NECAP2: variants seen among roughly 807,000 people sequenced by gnomAD.
The protein encoded by NECAP2 is adaptin ear-binding coat-associated protein 2.
NECAP2 carries 38 observed loss-of-function variants against 37.8 expected under a neutral mutation model. The observed-to-expected ratio is 1.01, with a 90% CI of 0.78 to 1.32. The LOEUF is 1.32. Ranked by LOEUF, NECAP2 falls within the 40% of genes most tolerant of loss-of-function variation. NECAP2 has a pLI of 0.00. For missense variants in NECAP2, 316 were observed against 334.5 expected, an observed-to-expected ratio of 0.94 and a Z score of 0.43; for synonymous variants, 121 against 127.7, an observed-to-expected ratio of 0.95 and a Z score of 0.35.
At chr1:16,448,265 C>T (rs1278313772) in intron 4 of NECAP2, 124 bp downstream of exon 4, 3 of 929,880 alleles carry the variant, frequency 3.2e-6, no homozygotes, top group Non-Finnish European at 5.3e-6. Flanking sequence ...CTCAGGAGAA[C>T]CCAGGACAAG....
At position 16,440,818 on chromosome 1, in the gene NECAP2, C is replaced by T. The variant is rs1004853430; in HGVS notation, c.57C>T (p.Tyr19=). The T allele has an allele frequency of 6.2e-7, 1 of 1,614,080 alleles. No individual in the cohort carries two copies. The highest frequency in any genetic ancestry group is 1.3e-5 in the African/African-American group (1 of 74,954). The change falls in exon 1 of 8, where the codon TAC becomes TAT. Residue 19 remains tyrosine (Y), a synonymous_variant. Coordinates refer to ENST00000337132, the MANE Select transcript of NECAP2 (RefSeq NM_018090.5). ...GTGTCAAGCCTGACGTCCACGTCTA[C>T]CGCATCCCTCCGCGGGCTACCAACC... is the stretch of plus-strand genomic sequence containing the variant. ...VLCVKPDVHV[Y]RIPPRATNRG... is the part of the protein sequence containing the mutation.
intron 5 of NECAP2, chr1:16,451,206 T>TG (rs1352334304): frequency 6.6e-6 from 1 of 152,304 alleles, no homozygotes; most frequent in Non-Finnish European, 1.5e-5. Context: ...TCCATGGTGT[T>TG]GCGTGTAGTT....
chr1:16,447,896 G>A lies in NECAP2; in HGVS notation c.220G>A (p.Asp74Asn). The A allele has an allele frequency of 6.2e-7, 1 of 1,614,128 alleles. No individual in the cohort carries two copies. Among genetic ancestry groups the A allele is most frequent in the Non-Finnish European group, 8.5e-7 (1 of 1,180,024 alleles). ...GGAGCTCTTTGCTCAGGCCCCGGTG[G>A]ATCAGTTTCCTGGCACAGCTGTGGA... The part of the protein sequence containing the change: ...SGELFAQAPV[D>N]QFPGTAVESV... Residue 74 changes from aspartate to asparagine, a missense_variant, in exon 3 of 8, where the codon GAT becomes AAT. Asp to Asn is a conservative substitution (Grantham distance 23). Coordinates refer to ENST00000337132, the MANE Select transcript of NECAP2 (RefSeq NM_018090.5).
chr1:16,450,254 TTTTG>T (rs746577030), intron 5 of NECAP2: 5,516 of 388,284 alleles, frequency 0.014, 189 homozygotes, highest in African/African-American at 0.086. Context: ...AGTGGTTTTT[TTTTG>T]TTTTGTTTTG....
Position 16,458,902 on chromosome 1 carries a change from T to C in NECAP2, c.*12T>C. On this transcript the variant is annotated 3_prime_UTR_variant, in exon 8 of 8. Transcript: ENST00000337132. ...GGGTCCAGTTCTGACCTGAGCACGG[T>C]TTTTCCTCATGTGACTTCTGGGAAG... is the stretch of plus-strand genomic sequence containing the variant. The C allele has an allele frequency of 2.5e-6, 4 of 1,613,808 alleles. No homozygotes were observed. The highest frequency in any genetic ancestry group is 3.4e-6 in the Non-Finnish European group (4 of 1,179,928).
rs576654098 is a variant in NECAP2 at position 16,457,365 on chromosome 1, G to A, written c.743+1472G>A. ...CCAGCTACTTGGGAGGCTGAGGCAC[G>A]AGAATTGCTTGAACCCGGGAGATTG... On this transcript the variant is annotated intron_variant, in intron 7 of 7. Transcript: ENST00000337132. Among the ~76,000 whole-genome samples the A allele has an allele frequency of 6.6e-5, 10 of 152,240 alleles. No homozygotes were observed. The East Asian group carries it at 1.7e-3, about 27-fold the overall frequency.
Position 16,452,138 on chromosome 1 carries a change from C to T in NECAP2, c.667+123C>T, listed in dbSNP as rs1482403887. The T allele has an allele frequency of 1.2e-5, 12 of 1,036,922 alleles. No homozygotes were observed. The South Asian group carries it at 2.1e-4, about 18-fold the overall frequency. The allele number at this position is 1,036,922 out of a possible 1,614,324, so 64.2% of individuals were successfully genotyped here. A position where few individuals can be genotyped will look rare whatever the true frequency, so the allele number is the denominator to read the frequency against. Reference sequence around the variant, plus strand: ...TTGGTCATGTAGTACCTGTCCGTGTCAAAGAAGGCGGGCACCCAAAGCTCA... The same window carrying T: ...TTGGTCATGTAGTACCTGTCCGTGTTAAAGAAGGCGGGCACCCAAAGCTCA... On this transcript the variant is annotated intron_variant, in intron 6 of 7. Transcript: ENST00000337132.
intron 5 of NECAP2, chr1:16,451,584 A>G: frequency 1.9e-6 from 1 of 535,504 alleles, no homozygotes; most frequent in Non-Finnish European, 3.3e-6. Flanking sequence ...ATGGTATATC[A>G]TTATAGCTTT....
At chr1:16,441,117 AC>A (rs957727302) in intron 1 of NECAP2, 4 of 500,876 alleles carry the variant, frequency 8.0e-6, no homozygotes, top group African/African-American at 7.7e-5. Context: ...GCTGCCGGGT[AC>A]CCTAAACTTG....
At position 16,457,042 on chromosome 1, in the gene NECAP2, A is replaced by C. The variant is rs1445532737; in HGVS notation, c.743+1149A>C. 2.6e-5 allele frequency among the ~76,000 whole-genome samples: 4 copies of C among 152,212 alleles called. No homozygotes were observed. The East Asian group carries it at 7.7e-4, about 29-fold the overall frequency. Reference sequence around the variant, plus strand: ...GACTAGATAGCAAATAGTTTAGACTATTCAGGCCGTGTGGTCTTCGTTCTA... The same window carrying C: ...GACTAGATAGCAAATAGTTTAGACTCTTCAGGCCGTGTGGTCTTCGTTCTA... On this transcript the variant is annotated intron_variant, in intron 7 of 7. Transcript: ENST00000337132.
At chr1:16,446,874 A>G (rs996605261) in intron 2 of NECAP2, among the ~76,000 whole-genome samples, 1 of 152,088 alleles carries the variant, frequency 6.6e-6, no homozygotes, top group African/African-American at 2.4e-5. Context: ...AGCCTGGCCA[A>G]CATGGTGAAA....
Position 16,451,980 on chromosome 1 carries a change from G to C in NECAP2, c.632G>C (p.Gly211Ala), listed in dbSNP as rs1482491314. ...CCTGGGGAGCAGTTGGCTGTGGGGGGATCCCTCGTCCAGCCAGCAGTTGCT... is the reference window on the plus strand; with the variant it reads ...CCTGGGGAGCAGTTGGCTGTGGGGGCATCCCTCGTCCAGCCAGCAGTTGCT... ...PPPGEQLAVG[G>A]SLVQPAVAPS... Residue 211 changes from glycine to alanine, a missense_variant, in exon 6 of 8, where the codon GGA becomes GCA. Physicochemically the swap from Gly to Ala is moderately conservative, Grantham distance 60. Transcript: ENST00000337132. 1 of 1,606,286 alleles carries C rather than the reference G, an allele frequency of 6.2e-7. No homozygotes were observed. The highest frequency in any genetic ancestry group is 8.5e-7 in the Non-Finnish European group (1 of 1,176,000).
intron 4 of NECAP2, chr1:16,448,368 A>C: frequency 1.7e-6 from 1 of 576,944 alleles, no homozygotes; most frequent in Non-Finnish European, 3.1e-6. Context: ...CGGGCCTGCC[A>C]CCTGTCTCCC....
rs749812899 is a variant in NECAP2 at position 16,458,989 on chromosome 1, G to C, written c.*99G>C. ...GCCCTCCTCAGCTGGCCTGTGTTTG[G>C]GGCATGAATCTCTCCTCTCCTCCTT... On this transcript the variant is annotated 3_prime_UTR_variant, in exon 8 of 8. Coordinates refer to ENST00000337132, the MANE Select transcript of NECAP2 (RefSeq NM_018090.5). 10 of 1,601,334 alleles carry C rather than the reference G, an allele frequency of 6.2e-6. No individual in the cohort carries two copies. The Middle Eastern group carries it at 5.0e-4, about 80-fold the overall frequency.
In NECAP2 at chr1:16,444,622, CT is replaced by C. The variant is rs1001458460; in HGVS notation, c.193+893del. Among the ~76,000 whole-genome samples, 6 of 152,260 alleles carry C rather than the reference CT, an allele frequency of 3.9e-5. No homozygotes were observed. In the East Asian group the frequency reaches 1.2e-3, roughly 29 times the overall value. On this transcript the variant is annotated intron_variant, in intron 2 of 7. Transcript: ENST00000337132. The stretch of plus-strand genomic sequence containing the variant: ...GAAGTGAGCAGATATTTCTGTAATG[CT>C]TTACGGACTGCGAGGCAACCCAAAG...
intron 5 of NECAP2, 186 bp from the exon 6 acceptor site, chr1:16,451,652 T>C (rs968990780): frequency 1.5e-6 from 1 of 647,782 alleles, no homozygotes; most frequent in African/African-American, 1.8e-5. Flanking sequence ...TGGACCTTAT[T>C]TGTGAGAGAT....
intron 7 of NECAP2, among the ~76,000 whole-genome samples, chr1:16,456,519 A>T (rs1485974014): frequency 6.6e-6 from 1 of 151,938 alleles, no homozygotes; most frequent in Non-Finnish European, 1.5e-5. Flanking sequence ...TCTATACCCC[A>T]TCCCCCACCT....
intron 4 of NECAP2, 75 bp from the exon 5 acceptor site, chr1:16,449,018 T>C (rs1422070928): frequency 1.1e-6 from 1 of 922,910 alleles, no homozygotes; most frequent in Non-Finnish European, 1.7e-6. Context: ...TAGCAGGCAG[T>C]AGTGAAGTGA....
intron 5 of NECAP2, 52 bp downstream of exon 5, chr1:16,449,253 G>A: frequency 8.1e-7 from 1 of 1,238,876 alleles, no homozygotes; most frequent in Non-Finnish European, 1.2e-6. Flanking sequence ...TGGCCACCCA[G>A]CCCCAGAGCC....
Sources: allele counts gnomAD v4.1 joint callset (sites outside exome capture counted in the v4.1 genomes callset), GRCh38; gene constraint gnomAD v4.1.1; transcripts MANE v1.5; gene names NCBI Gene and HGNC (gene_info 2026-07-23, HGNC 2026-07-21).